The following NCF2 variants were observed in gnomAD, a reference collection of about 807,000 sequenced individuals.
NCF2 encodes the protein neutrophil cytosolic factor 2.
NCF2 carries 45 observed loss-of-function variants against 70.9 expected under a neutral mutation model. The ratio of observed to expected loss-of-function variants is 0.63; its 90% CI spans 0.50 to 0.81. NCF2 has a LOEUF of 0.81. Among genes scored for constraint, NCF2 ranks in the 40% least tolerant of loss-of-function variants. The probability of loss-of-function intolerance (pLI) is 0.00; values close to 1 mark genes in which losing one functional copy is unlikely to be tolerated. For missense variants in NCF2, 522 were observed against 631.6 expected (o/e 0.83, Z 1.86); for synonymous variants, 203 against 233.6 (o/e 0.87, Z 1.19).
At chr1:183,574,765 G>A in intron 3 of NCF2, 144 bp from the exon 4 acceptor site, 1 of 999,934 alleles carries the variant, frequency 1.0e-6, no homozygotes, top group Non-Finnish European at 1.5e-6. Context: ...AAAATATAGT[G>A]CAATTAGTCT....
At chr1:183,571,114 CTTTTTTTTT>C (rs66625837) in intron 5 of NCF2, among the ~76,000 whole-genome samples, 1 of 106,818 alleles carries the variant, frequency 9.4e-6, no homozygotes, top group Non-Finnish European at 1.8e-5. Context: ...ATCAAATTAT[CTTTTTTTTT>C]TTTTTTTTTT....
upstream of NCF2, among the ~76,000 whole-genome samples, chr1:183,593,318 G>T (rs1003994827): frequency 6.6e-6 from 1 of 152,058 alleles, no homozygotes; most frequent in Non-Finnish European, 1.5e-5. Flanking sequence ...ACATTTCTTT[G>T]CCTCTCCATC....
At position 183,563,496 on chromosome 1, in the gene NCF2, G is replaced by A. The variant is rs1423541750; in HGVS notation, c.1116C>T (p.Tyr372=). 2 of 1,614,192 alleles carry A rather than the reference G, an allele frequency of 1.2e-6. No homozygotes were observed. Among genetic ancestry groups the A allele is most frequent in the Admixed American group, 3.3e-5 (2 of 60,018 alleles). ...TAGACACCATGTCCCGGACCTGGCT[G>A]TAGGGGAGCCCGGGCTGAGTCTTCA... ...VVMKTQPGLP[Y]SQVRDMVSKK... is the part of the protein sequence containing the mutation. Residue 372 remains tyrosine, a synonymous_variant, in exon 12 of 15, where the codon TAC becomes TAT. Transcript: ENST00000367535.
At chr1:183,594,401 T>C (rs1673735393), upstream of NCF2, among the ~76,000 whole-genome samples, 1 of 152,206 alleles carries the variant, frequency 6.6e-6, no homozygotes, top group South Asian at 2.1e-4. Context: ...TGAGCAAGAC[T>C]CCATCTCTTA....
At chr1:183,563,958 C>A (rs1484442432) in intron 11 of NCF2, 47 bp downstream of exon 11, 1 of 1,564,282 alleles carries the variant, frequency 6.4e-7, no homozygotes, top group Admixed American at 1.7e-5. Context: ...ATAGCCCAAG[C>A]TATCCCATCT....
intron 10 of NCF2, 67 bp from the exon 11 acceptor site, chr1:183,564,097 C>T: frequency 1.3e-6 from 2 of 1,482,146 alleles, no homozygotes; most frequent in Non-Finnish European, 1.9e-6. Context: ...CCAGCCCCTG[C>T]CACACACAGA....
At position 183,565,731 on chromosome 1, in the gene NCF2, C is replaced by CT; in HGVS notation, c.972dup (p.Ala325SerfsTer18). ...GGTGACAGCTGGGGTCTTCCAGGGG[C>CT]TTTGGAACTAGGAGGAGCTGGGATG... On this transcript the variant is annotated frameshift_variant, in exon 10 of 15. Transcript: ENST00000367535. LOFTEE classifies it high-confidence loss of function. The CT allele has an allele frequency of 6.2e-7, 1 of 1,612,768 alleles. No individual in the cohort carries two copies. The highest frequency in any genetic ancestry group is 8.5e-7 in the Non-Finnish European group (1 of 1,180,032).
Position 183,563,591 on chromosome 1 carries a change from T to G in NCF2, c.1027-6A>C, listed in dbSNP as rs371371441. 10 of 1,612,748 alleles carry G rather than the reference T, an allele frequency of 6.2e-6. No individual in the cohort carries two copies. The highest frequency in any genetic ancestry group is 8.5e-6 in the Non-Finnish European group (10 of 1,179,964). ...GGAACACTGAGCTTCACTTCCTGAG[T>G]GGGGAGGAAACAAAGGGAACTCCTG... On this transcript the variant is annotated splice_region_variant and splice_polypyrimidine_tract_variant and intron_variant, in intron 11 of 14. Coordinates refer to ENST00000367535, the MANE Select transcript of NCF2 (RefSeq NM_000433.4).
intron 2 of NCF2, among the ~76,000 whole-genome samples, chr1:183,583,402 C>A (rs967934406): frequency 6.6e-6 from 1 of 152,162 alleles, no homozygotes; most frequent in South Asian, 2.1e-4. Flanking sequence ...TTTCTCTAGC[C>A]CCCATCCCGC....
At chr1:183,568,063 C>T (rs971007198) in intron 7 of NCF2, among the ~76,000 whole-genome samples, 12 of 152,146 alleles carry the variant, frequency 7.9e-5, no homozygotes, top group African/African-American at 2.4e-4. Context: ...TTCCAGACAT[C>T]GTGCCTACTC....
At position 183,556,245 on chromosome 1, in the gene NCF2, A is replaced by G. The variant is rs1187364628; in HGVS notation, c.1469-15T>C. ...TTCTTCATTCACTGATAAAAGGAAA[A>G]GTACACATGGATTTCTAAAACCACT... On this transcript the variant is annotated splice_polypyrimidine_tract_variant and intron_variant, in intron 14 of 14. Transcript: ENST00000367535. The G allele has an allele frequency of 6.2e-7, 1 of 1,606,616 alleles. No homozygotes were observed.
chr1:183,590,174 G>C lies in NCF2; in HGVS notation c.156C>G (p.Asn52Lys). Residue 52 changes from asparagine (N) to lysine (K), a missense_variant, in exon 1 of 15, where the codon AAC (asparagine) becomes AAG (lysine). Coordinates refer to ENST00000367535, the MANE Select transcript of NCF2 (RefSeq NM_000433.4). Reference sequence around the variant, plus strand: ...CACTCACCTTCTCTGCTTCAGTCATGTTCTTCAGGATAGTGTACATGCAGC... The same window carrying C: ...CACTCACCTTCTCTGCTTCAGTCATCTTCTTCAGGATAGTGTACATGCAGC... Reference protein sequence around the residue: ...NIGCMYTILKNMTEAEKAFTR... With the variant: ...NIGCMYTILKKMTEAEKAFTR... The C allele has an allele frequency of 6.2e-7, 1 of 1,614,214 alleles. No homozygotes were observed. Among genetic ancestry groups the C allele is most frequent in the Non-Finnish European group, 8.5e-7 (1 of 1,180,038 alleles).
chr1:183,577,506 T>C lies in NCF2; in HGVS notation c.366+93A>G, dbSNP rs55651413. ...AGGCAAAATGGCTTTTCCAAGCTCC[T>C]GGAGGTGTCAACAGATCACTGTGCA... On this transcript the variant is annotated intron_variant, in intron 3 of 14. Coordinates refer to ENST00000367535, the MANE Select transcript of NCF2 (RefSeq NM_000433.4). 4.5e-3 allele frequency: 4,696 copies of C among 1,044,920 alleles called. 21 individuals are homozygous for C. Among genetic ancestry groups the C allele is most frequent in the Admixed American group, 7.9e-3 (462 of 58,450 alleles). The allele number at this position is 1,044,920 out of a possible 1,614,324, so 64.7% of individuals were successfully genotyped here.
At chr1:183,577,898 C>A (rs554387517) in intron 2 of NCF2, among the ~76,000 whole-genome samples, 191 bp from the exon 3 acceptor site, 1 of 152,162 alleles carries the variant, frequency 6.6e-6, no homozygotes, top group East Asian at 1.9e-4. Context: ...GAATGGTGTT[C>A]CCCCCAGGGC....
chr1:183,583,122 G>A (rs1022173233), intron 2 of NCF2, among the ~76,000 whole-genome samples: 2 of 151,886 alleles, frequency 1.3e-5, no homozygotes, highest in African/African-American at 4.8e-5. Flanking sequence ...GTGTTATCTC[G>A]GTTCACTGCA....
At chr1:183,577,194 G>A (rs1672835866) in intron 3 of NCF2, among the ~76,000 whole-genome samples, 1 of 152,176 alleles carries the variant, frequency 6.6e-6, no homozygotes, top group East Asian at 1.9e-4. Flanking sequence ...GTCCTGCACG[G>A]ACAATGAACT....
At chr1:183,565,621 C>T in intron 10 of NCF2, 83 bp downstream of exon 10, 1 of 1,392,038 alleles carries the variant, frequency 7.2e-7, no homozygotes, top group Non-Finnish European at 1.0e-6. Context: ...CCAGAATTTC[C>T]TGGAAGGCAG....
At chr1:183,558,032 G>A (rs1469255062) in intron 14 of NCF2, among the ~76,000 whole-genome samples, 1 of 151,502 alleles carries the variant, frequency 6.6e-6, no homozygotes, top group Non-Finnish European at 1.5e-5. Context: ...ACGCCACCAC[G>A]CCTGGCTAAT....
At chr1:183,575,161 G>A (rs890442000) in intron 3 of NCF2, among the ~76,000 whole-genome samples, 1 of 152,208 alleles carries the variant, frequency 6.6e-6, no homozygotes, top group Admixed American at 6.5e-5. Context: ...CAGACCATGT[G>A]AGTAACAAGA....
Sources: gnomAD v4.1 joint callset for allele counts (sites outside exome capture counted in the v4.1 genomes callset) on GRCh38, gnomAD v4.1.1 for gene constraint, MANE v1.5 for transcripts, NCBI Gene and HGNC (gene_info 2026-07-23, HGNC 2026-07-21) for gene names.